EGFR: variants seen among roughly 807,000 people sequenced by gnomAD.
EGFR encodes epidermal growth factor receptor.
EGFR carries 58 observed loss-of-function variants against 143.0 expected under a neutral mutation model. That is an observed-to-expected ratio of 0.41 (90% CI 0.33 to 0.50). The LOEUF (loss-of-function observed/expected upper bound fraction) is 0.50. Ranked by LOEUF, EGFR falls within the 20% of genes least tolerant of loss-of-function variation. The probability of loss-of-function intolerance (pLI) is 0.39; values close to 1 mark genes in which losing one functional copy is unlikely to be tolerated. For missense variants in EGFR, 1,307 were observed against 1,579.0 expected (o/e 0.83, Z 2.92); for synonymous variants, 613 against 594.4 (o/e 1.03, Z -0.45).
chr7:55,056,075 G>A lies in EGFR; in HGVS notation c.88+36710G>A, dbSNP rs62449587. Among the ~76,000 whole-genome samples, 1,186 of 152,220 alleles carry A rather than the reference G, an allele frequency of 7.8e-3. 10 individuals carry two copies. Among genetic ancestry groups the A allele is most frequent in the Admixed American group, 0.015 (234 of 15,284 alleles). ...CACCAATTAAAGAGAGGGTACAAAAGGTGAACATCCTTGGCTCCCAGCAGA... is the reference window on the plus strand; with the variant it reads ...CACCAATTAAAGAGAGGGTACAAAAAGTGAACATCCTTGGCTCCCAGCAGA... On this transcript the variant is annotated intron_variant, in intron 1 of 27. Coordinates refer to ENST00000275493, the MANE Select transcript of EGFR (RefSeq NM_005228.5).
intron 1 of EGFR, among the ~76,000 whole-genome samples, chr7:55,035,143 G>A (rs1035046353): frequency 3.3e-5 from 5 of 152,098 alleles, no homozygotes; most frequent in Non-Finnish European, 7.4e-5. Flanking sequence ...ATTCACTTTA[G>A]GATAAGCATT....
intron 1 of EGFR, among the ~76,000 whole-genome samples, chr7:55,050,959 G>C (rs1384631016): frequency 1.3e-5 from 2 of 152,218 alleles, no homozygotes; most frequent in Admixed American, 6.5e-5. Context: ...CCACACAGCT[G>C]TCCTGCGGTG....
At chr7:55,039,017 G>A (rs559396869) in intron 1 of EGFR, among the ~76,000 whole-genome samples, 36 of 151,698 alleles carry the variant, frequency 2.4e-4, no homozygotes, top group Middle Eastern at 3.4e-3. Context: ...ATTGCCAGAG[G>A]TGGAAGTCTG....
At chr7:55,104,194 C>T (rs771224182) in intron 1 of EGFR, among the ~76,000 whole-genome samples, 63 of 152,172 alleles carry the variant, frequency 4.1e-4, no homozygotes, top group Non-Finnish European at 1.0e-4. Flanking sequence ...AGTGCTTTGG[C>T]CCCTCATCCA....
rs765499904 is a variant in EGFR, at chr7:55,205,389, C to T, written c.3405C>T (p.Asn1135=). The T allele has an allele frequency of 5.0e-6, 8 of 1,614,150 alleles. No individual in the cohort carries two copies. Among genetic ancestry groups the T allele is most frequent in the Non-Finnish European group, 6.8e-6 (8 of 1,180,022 alleles). ...ACCCCCACAGCACTGCAGTGGGCAA[C>T]CCCGAGTATCTCAACACTGTCCAGC... ...YQDPHSTAVG[N]PEYLNTVQPT... Residue 1135 remains asparagine (N), a synonymous_variant, in exon 28 of 28, where the codon AAC becomes AAT. Coordinates refer to ENST00000275493, the MANE Select transcript of EGFR (RefSeq NM_005228.5).
At chr7:55,043,856 T>C (rs1481315062) in intron 1 of EGFR, 1 of 152,226 alleles carries the variant, frequency 6.6e-6, no homozygotes, top group Non-Finnish European at 1.5e-5. Flanking sequence ...GCCTGGACTT[T>C]CTAAGTGCCC....
chr7:55,058,295 G>C (rs1000762465), intron 1 of EGFR, among the ~76,000 whole-genome samples: 2 of 152,192 alleles, frequency 1.3e-5, no homozygotes, highest in African/African-American at 4.8e-5. Context: ...TCGGAAGGCT[G>C]AGGCAGGAAA....
chr7:55,103,457 A>C (rs80124975), intron 1 of EGFR, among the ~76,000 whole-genome samples: 2,425 of 152,366 alleles, frequency 0.016, 65 homozygotes, highest in African/African-American at 0.056. Context: ...TTTTGTAAAG[A>C]TACCCTTACA....
chr7:55,166,164 CA>C (rs201695298), intron 15 of EGFR: 1,919 of 417,838 alleles, frequency 4.6e-3, no homozygotes, highest in South Asian at 6.6e-3. Flanking sequence ...AAAACAAAAA[CA>C]AAAAAAAAAG....
rs2128975496 is a variant in EGFR, at chr7:55,205,495, G to A, written c.3511G>A (p.Asp1171Asn). Reference sequence around the variant, plus strand: ...CCACCAAATTAGCCTGGACAACCCTGACTACCAGCAGGACTTCTTTCCCAA... The same window carrying A: ...CCACCAAATTAGCCTGGACAACCCTAACTACCAGCAGGACTTCTTTCCCAA... Reference protein sequence around the residue: ...GSHQISLDNPDYQQDFFPKEA... With the variant: ...GSHQISLDNPNYQQDFFPKEA... Residue 1171 changes from aspartate (D) to asparagine (N), a missense_variant, in exon 28 of 28, where the codon GAC becomes AAC. Physicochemically the swap from Asp to Asn is conservative, Grantham distance 23. Coordinates refer to ENST00000275493, the MANE Select transcript of EGFR (RefSeq NM_005228.5). The A allele has an allele frequency of 6.2e-7, 1 of 1,614,156 alleles. No individual in the cohort carries two copies. Among genetic ancestry groups the A allele is most frequent in the Non-Finnish European group, 8.5e-7 (1 of 1,180,026 alleles).
At chr7:55,021,667 C>T (rs542586377) in intron 1 of EGFR, among the ~76,000 whole-genome samples, 42 of 152,288 alleles carry the variant, frequency 2.8e-4, no homozygotes, top group African/African-American at 1.0e-3. Flanking sequence ...CTATCAAATT[C>T]AGTGGATTTT....
rs1161834426 is a variant in EGFR, at chr7:55,202,578, G to T, written c.3224G>T (p.Gly1075Val). The change falls in exon 27 of 28, where the codon GGC becomes GTC. Residue 1075 changes from glycine to valine, a missense_variant. Gly to Val is a moderately radical substitution (Grantham distance 109). Transcript: ENST00000275493. ...FLQRYSSDPT[G>V]ALTEDSIDDT... ...CAGCGATACAGCTCAGACCCCACAG[G>T]CGCCTTGACTGAGGACAGCATAGAC... 4 of 1,613,524 alleles carry T rather than the reference G, an allele frequency of 2.5e-6. No homozygotes were observed. The highest frequency in any genetic ancestry group is 3.4e-6 in the Non-Finnish European group (4 of 1,179,712).
At chr7:55,034,735 G>T (rs1421108019) in intron 1 of EGFR, among the ~76,000 whole-genome samples, 1 of 152,190 alleles carries the variant, frequency 6.6e-6, no homozygotes, top group Non-Finnish European at 1.5e-5. Flanking sequence ...GCATGCTGGA[G>T]ACTTGCTGTT....
intron 1 of EGFR, among the ~76,000 whole-genome samples, chr7:55,039,693 G>A (rs771124666): frequency 1.3e-5 from 2 of 152,112 alleles, no homozygotes; most frequent in Non-Finnish European, 2.9e-5. Context: ...TGAGTGTATC[G>A]GTAATTAAGA....
In EGFR at chr7:55,205,286, C is replaced by G. The variant is rs764332519; in HGVS notation, c.3302C>G (p.Pro1101Arg). The change falls in exon 28 of 28, where the codon CCC (proline) becomes CGC (arginine). Residue 1101 changes from proline to arginine, a missense_variant. This residue lies in a region of EGFR where 313 missense variants were observed against 312.3 expected (regional missense o/e 1.00). Transcript: ENST00000275493. ...ATAAACCAGTCCGTTCCCAAAAGGC[C>G]CGCTGGCTCTGTGCAGAATCCTGTC... The part of the protein sequence containing the change: ...EYINQSVPKR[P>R]AGSVQNPVYH... 1 of 1,612,918 alleles carries G rather than the reference C, an allele frequency of 6.2e-7. No individual in the cohort carries two copies. The highest frequency in any genetic ancestry group is 1.7e-5 in the Admixed American group (1 of 59,922).
In EGFR at chr7:55,143,311, C is replaced by G. The variant is rs867736946; in HGVS notation, c.247C>G (p.Gln83Glu). Residue 83 changes from glutamine (Q) to glutamate (E), a missense_variant, in exon 3 of 28, where the codon CAG becomes GAG. This residue lies in a region of EGFR where 311 missense variants were observed against 412.3 expected (regional missense o/e 0.75). Coordinates refer to ENST00000275493, the MANE Select transcript of EGFR (RefSeq NM_005228.5). ...TTATGTTTTCTCTTCTTAGACCATC[C>G]AGGAGGTGGCTGGTTATGTCCTCAT... ...NYDLSFLKTI[Q>E]EVAGYVLIAL... The G allele has an allele frequency of 6.2e-7, 1 of 1,614,186 alleles. No homozygotes were observed. Among genetic ancestry groups the G allele is most frequent in the Non-Finnish European group, 8.5e-7 (1 of 1,180,042 alleles).
At chr7:55,020,846 G>C (rs1786524216) in intron 1 of EGFR, among the ~76,000 whole-genome samples, 1 of 151,576 alleles carries the variant, frequency 6.6e-6, no homozygotes, top group Non-Finnish European at 1.5e-5. Flanking sequence ...ATAGAACAGT[G>C]GTTCCCAGAC....
chr7:55,127,431 TA>T (rs2128917890), intron 1 of EGFR, among the ~76,000 whole-genome samples: 1 of 152,274 alleles, frequency 6.6e-6, no homozygotes, highest in South Asian at 2.1e-4. Context: ...TCTATATCCT[TA>T]CTCCTTCATC....
intron 1 of EGFR, among the ~76,000 whole-genome samples, chr7:55,074,272 GA>G (rs1562691643): frequency 6.6e-6 from 1 of 152,222 alleles, no homozygotes; most frequent in African/African-American, 2.4e-5. Context: ...GGTCCAGGAG[GA>G]AATTCGGAAG....
Sources: gnomAD v4.1 joint callset for allele counts (sites outside exome capture counted in the v4.1 genomes callset) on GRCh38, gnomAD v4.1.1 for gene constraint, gnomAD v4.1.1 regional missense constraint, MANE v1.5 for transcripts, NCBI Gene and HGNC (gene_info 2026-07-23, HGNC 2026-07-21) for gene names.